PCDH11X: variants seen among roughly 807,000 people sequenced by gnomAD.
PCDH11X encodes the protein protocadherin 11 X-linked, also known as protocadherin-11 X-linked.
PCDH11X carries 18 observed loss-of-function variants against 53.3 expected under a neutral mutation model. The ratio of observed to expected loss-of-function variants is 0.34; its 90% CI spans 0.23 to 0.50. PCDH11X has a LOEUF of 0.50. PCDH11X is among the 20% of genes least tolerant of loss of function. The pLI is 0.98. For missense variants in PCDH11X, 570 were observed against 1,032.4 expected, an observed-to-expected ratio of 0.55 and a Z score of 6.14; for synonymous variants, 279 against 393.3, an observed-to-expected ratio of 0.71 and a Z score of 3.44.
intron 9 of PCDH11X, among the ~76,000 whole-genome samples, chrX:92,462,954 G>GA: frequency 9.0e-6 from 1 of 111,318 alleles, no homozygotes; most frequent in East Asian, 2.8e-4. Flanking sequence ...AAAACCAAAT[G>GA]AAAAAATAAT....
At chrX:92,026,673 T>C (rs1326894154) in intron 6 of PCDH11X, among the ~76,000 whole-genome samples, 1 of 85,707 alleles carries the variant, frequency 1.2e-5, no homozygotes, top group East Asian at 3.8e-4. Context: ...ATGGTTCTTA[T>C]GTCAAACATT....
chrX:91,989,432 G>A (rs1401190823), intron 6 of PCDH11X, among the ~76,000 whole-genome samples: 1 of 110,553 alleles, frequency 9.0e-6, no homozygotes, highest in South Asian at 3.9e-4. Flanking sequence ...GTGTGGTGGT[G>A]GACGCCTGTA....
chrX:92,563,524 C>T (rs1921077080), intron 10 of PCDH11X, among the ~76,000 whole-genome samples: 1 of 111,233 alleles, frequency 9.0e-6, no homozygotes, highest in South Asian at 3.8e-4. Context: ...GGAAACCTTA[C>T]AGGCCAGAAA....
At chrX:91,896,043 A>G (rs1602449568) in intron 6 of PCDH11X, among the ~76,000 whole-genome samples, 1 of 106,641 alleles carries the variant, frequency 9.4e-6, no homozygotes, top group East Asian at 3.0e-4. Flanking sequence ...AATTTGAAAA[A>G]GAAAAAGATG....
chrX:92,268,062 A>G (rs984610106), intron 8 of PCDH11X, among the ~76,000 whole-genome samples: 1 of 112,358 alleles, frequency 8.9e-6, no homozygotes, highest in Admixed American at 9.4e-5. Flanking sequence ...AAACCATAGC[A>G]GTAACACTGA....
chrX:92,191,191 A>G (rs1038716954), intron 6 of PCDH11X, among the ~76,000 whole-genome samples: 10 of 112,377 alleles, frequency 8.9e-5, no homozygotes, highest in African/African-American at 3.2e-4. Context: ...TCTAAATTCA[A>G]TAGATAATTG....
At chrX:92,087,495 C>T (rs1440620385) in intron 6 of PCDH11X, among the ~76,000 whole-genome samples, 2 of 111,383 alleles carry the variant, frequency 1.8e-5, no homozygotes, top group Non-Finnish European at 3.8e-5. Context: ...TTGCTATTGT[C>T]TGTTGTCTTT....
intron 8 of PCDH11X, among the ~76,000 whole-genome samples, chrX:92,280,023 T>C (rs904695394): frequency 5.3e-5 from 6 of 112,163 alleles, no homozygotes; most frequent in Non-Finnish European, 1.1e-4. Flanking sequence ...ATAGCTACCA[T>C]TGTGTTACAA....
chrX:91,901,539 G>GTATTACTC (rs1940955136), intron 6 of PCDH11X, among the ~76,000 whole-genome samples: 1 of 110,297 alleles, frequency 9.1e-6, no homozygotes, highest in Non-Finnish European at 1.9e-5. Flanking sequence ...TATTATGTAA[G>GTATTACTC]TATTACTCTC....
chrX:92,432,827 A>C (rs2072280350), intron 9 of PCDH11X, among the ~76,000 whole-genome samples: 1 of 108,370 alleles, frequency 9.2e-6, no homozygotes, highest in South Asian at 4.1e-4. Context: ...AACAAAATCC[A>C]CAGGAAAACC....
intron 8 of PCDH11X, among the ~76,000 whole-genome samples, chrX:92,346,451 T>G (rs2069897930): frequency 9.0e-6 from 1 of 111,086 alleles, no homozygotes; most frequent in African/African-American, 3.3e-5. Flanking sequence ...ATGAGTTATT[T>G]CTGCTTCCAG....
At position 91,883,155 on chromosome X, in the gene PCDH11X, G is replaced by C. The variant is rs72605170; in HGVS notation, c.3033+3882G>C. ...ATGGAAATTTAAAATTTATGGAAGA[G>C]ACAGTGCAGCACAATAACAGAGTAC... On this transcript the variant is annotated intron_variant, in intron 6 of 10. Coordinates refer to ENST00000682573, the MANE Select transcript of PCDH11X (RefSeq NM_032968.5). 1.7e-5 allele frequency: 17 copies of C among 972,606 alleles called. No individual in the cohort carries two copies. The East Asian group carries it at 8.5e-4, about 48-fold the overall frequency. 80.2% of individuals were successfully genotyped at this position (972,606 alleles called of 1,213,427 possible).
At chrX:92,487,352 A>T (rs1343001918) in intron 10 of PCDH11X, among the ~76,000 whole-genome samples, 4 of 110,424 alleles carry the variant, frequency 3.6e-5, no homozygotes, top group African/African-American at 1.3e-4. Context: ...GGATTAGACT[A>T]TTAACATTTC....
At chrX:91,994,458 ATGT>A (rs1429898749) in intron 6 of PCDH11X, among the ~76,000 whole-genome samples, 1 of 106,763 alleles carries the variant, frequency 9.4e-6, no homozygotes, top group African/African-American at 3.5e-5. Context: ...GTGTTCATCA[ATGT>A]TGTCACAAAT....
intron 1 of PCDH11X, among the ~76,000 whole-genome samples, chrX:91,782,177 C>A (rs896717836): frequency 1.4e-4 from 16 of 112,272 alleles, no homozygotes; most frequent in East Asian, 2.9e-4. Flanking sequence ...GGCTCGCAGC[C>A]CCCCCCTTCC....
intron 1 of PCDH11X, among the ~76,000 whole-genome samples, chrX:91,790,241 A>G (rs2147518766): frequency 8.9e-6 from 1 of 112,687 alleles, no homozygotes; most frequent in South Asian, 3.6e-4. Flanking sequence ...AATAACAACC[A>G]GTTGCTTGTC....
At chrX:92,355,222 T>A (rs2070165253) in intron 8 of PCDH11X, among the ~76,000 whole-genome samples, 1 of 91,516 alleles carries the variant, frequency 1.1e-5, no homozygotes, top group South Asian at 7.0e-4. Flanking sequence ...GGTCAGGAGA[T>A]CGAGACCATC....
At chrX:92,353,937 A>G (rs1336213018) in intron 8 of PCDH11X, among the ~76,000 whole-genome samples, 2 of 99,593 alleles carry the variant, frequency 2.0e-5, no homozygotes, top group African/African-American at 7.4e-5. Flanking sequence ...GGTAAAATCT[A>G]TTTTTCCTTA....
At chrX:92,010,209 G>A (rs1318503866) in intron 6 of PCDH11X, among the ~76,000 whole-genome samples, 1 of 109,658 alleles carries the variant, frequency 9.1e-6, no homozygotes, top group East Asian at 2.8e-4. Context: ...ATCAAAATAA[G>A]CAAATACCTA....
Sources: allele counts gnomAD v4.1 joint callset (sites outside exome capture counted in the v4.1 genomes callset), GRCh38; gene constraint gnomAD v4.1.1; transcripts MANE v1.5; gene names NCBI Gene and HGNC (gene_info 2026-07-23, HGNC 2026-07-21).